The following OLFM2 variants were observed in gnomAD, a reference collection of about 807,000 sequenced individuals.
OLFM2 encodes noelin-2.
OLFM2 carries 20 observed loss-of-function variants against 43.9 expected under a neutral mutation model. The observed-to-expected ratio is 0.46, with a 90% confidence interval of 0.32 to 0.66. The LOEUF is 0.66. Ranked by LOEUF, OLFM2 falls within the 30% of genes least tolerant of loss-of-function variation. OLFM2 has a pLI of 0.04. For synonymous variants in OLFM2, 268 were observed against 278.6 expected, an observed-to-expected ratio of 0.96 and a Z score of 0.38; for missense variants, 416 against 643.6, an observed-to-expected ratio of 0.65 and a Z score of 3.83.
chr19:9,935,620 C>T (rs1479333570), intron 1 of OLFM2, among the ~76,000 whole-genome samples: 1 of 152,118 alleles, frequency 6.6e-6, no homozygotes, highest in Non-Finnish European at 1.5e-5. Context: ...CTCACACGGC[C>T]ACACACCTGG....
chr19:9,877,295 A>G (rs1259821382), intron 1 of OLFM2, among the ~76,000 whole-genome samples: 2 of 150,716 alleles, frequency 1.3e-5, no homozygotes, highest in East Asian at 3.9e-4. Context: ...GCACTTTGGG[A>G]GGCTGAGGCG....
intron 1 of OLFM2, among the ~76,000 whole-genome samples, chr19:9,914,728 C>T (rs2046861337): frequency 1.3e-5 from 2 of 152,104 alleles, no homozygotes; most frequent in African/African-American, 4.8e-5. Flanking sequence ...GCCCACCCGT[C>T]CGCCCACGCA....
intron 1 of OLFM2, among the ~76,000 whole-genome samples, chr19:9,884,751 T>C (rs34497180): frequency 0.014 from 2,197 of 152,290 alleles, 21 homozygotes; most frequent in Middle Eastern, 0.031. Flanking sequence ...TTTTATTCTT[T>C]TCCTTGCATG....
Position 9,860,643 on chromosome 19 carries a change from A to G in OLFM2, c.213+2T>C. 6.3e-7 allele frequency: 1 copy of G among 1,579,454 alleles called. No homozygotes were observed. Among genetic ancestry groups the G allele is most frequent in the Non-Finnish European group, 8.6e-7 (1 of 1,161,844 alleles). On this transcript the variant is annotated splice_donor_variant, in intron 2 of 5. Coordinates refer to ENST00000264833, the MANE Select transcript of OLFM2 (RefSeq NM_058164.4). LOFTEE classifies it high-confidence loss of function. ...CCCCCAGGGTACCTGGAAGGTTCTCACCTTCTCCATCAGTTGCCGCAGCTC... is the reference window on the plus strand; with the variant it reads ...CCCCCAGGGTACCTGGAAGGTTCTCGCCTTCTCCATCAGTTGCCGCAGCTC...
chr19:9,858,309 G>C (rs899456833), intron 2 of OLFM2: 3 of 247,290 alleles, frequency 1.2e-5, no homozygotes, highest in Admixed American at 1.3e-4. Flanking sequence ...CTTTGCACTT[G>C]CTGGTCTCTC....
intron 1 of OLFM2, among the ~76,000 whole-genome samples, chr19:9,894,305 A>AGTCACGGCTGCAGTGAAACCGGGATGGT (rs1178856894): frequency 6.6e-6 from 1 of 151,284 alleles, no homozygotes; most frequent in Non-Finnish European, 1.5e-5. Flanking sequence ...AGCCCAGGTA[A>AGTCACGGCTGCAGTGAAACCGGGATGGT]GTCACGGCTG....
chr19:9,929,323 T>G (rs2086469873), intron 1 of OLFM2, among the ~76,000 whole-genome samples: 1 of 152,152 alleles, frequency 6.6e-6, no homozygotes. Context: ...CCGGGCGCGG[T>G]GGCTCACACC....
At chr19:9,866,172 T>C (rs992434201) in intron 1 of OLFM2, among the ~76,000 whole-genome samples, 1 of 152,220 alleles carries the variant, frequency 6.6e-6, no homozygotes, top group Non-Finnish European at 1.5e-5. Context: ...GCCTGGGTTT[T>C]GGCTGCCAGA....
In OLFM2 at chr19:9,857,441, C is replaced by G. The variant is rs35313681; in HGVS notation, c.402G>C (p.Ser134=). 2 of 1,613,940 alleles carry G rather than the reference C, an allele frequency of 1.2e-6. No homozygotes were observed. The highest frequency in any genetic ancestry group is 1.7e-5 in the Admixed American group (1 of 59,996). ...DRMTELLPLS[S]VLEQYKADTR... is the part of the protein sequence containing the mutation. The stretch of plus-strand genomic sequence containing the variant: ...TGTCTGCCTTGTACTGCTCCAGGAC[C>G]GAGCTCAGGGGCAACAGTTCCGTCA... Residue 134 remains serine (S), a synonymous_variant, in exon 4 of 6, where the codon TCG becomes TCC. Coordinates refer to ENST00000264833, the MANE Select transcript of OLFM2 (RefSeq NM_058164.4). This position sits in a 1 kb window ranked among gnomAD's most constrained non-coding sequence, Gnocchi z 5.7.
intron 1 of OLFM2, among the ~76,000 whole-genome samples, chr19:9,912,920 A>G (rs1490830895): frequency 6.6e-6 from 1 of 151,896 alleles, no homozygotes; most frequent in Non-Finnish European, 1.5e-5. Flanking sequence ...ACAAGGAAAG[A>G]TAGAAATATT....
At chr19:9,870,375 CCAA>C (rs1247362570) in intron 1 of OLFM2, among the ~76,000 whole-genome samples, 1 of 152,136 alleles carries the variant, frequency 6.6e-6, no homozygotes, top group Non-Finnish European at 1.5e-5. Context: ...CAAAGAAAGT[CCAA>C]CGAGGGAGAG....
At chr19:9,934,154 G>A (rs1371825506) in intron 1 of OLFM2, among the ~76,000 whole-genome samples, 1 of 152,188 alleles carries the variant, frequency 6.6e-6, no homozygotes, top group Non-Finnish European at 1.5e-5. Context: ...AGTGGGTAGA[G>A]CATCCTCTCT....
At chr19:9,897,478 A>T (rs2046696624) in intron 1 of OLFM2, among the ~76,000 whole-genome samples, 1 of 152,154 alleles carries the variant, frequency 6.6e-6, no homozygotes, top group Non-Finnish European at 1.5e-5. Flanking sequence ...AGCCTGGACG[A>T]CAGAATGAGA....
intron 1 of OLFM2, among the ~76,000 whole-genome samples, chr19:9,915,496 T>TTTTATTTATTTATTTA (rs60485300): frequency 3.3e-4 from 31 of 94,204 alleles, no homozygotes; most frequent in South Asian, 9.4e-4. Flanking sequence ...AAAGGGACTT[T>TTTTATTTATTTATTTA]TTTATTTATT....
At chr19:9,896,365 C>T (rs2046685135) in intron 1 of OLFM2, among the ~76,000 whole-genome samples, 1 of 152,064 alleles carries the variant, frequency 6.6e-6, no homozygotes, top group Non-Finnish European at 1.5e-5. Flanking sequence ...TCCCAAAGTG[C>T]TGGGATTACA....
chr19:9,918,880 A>C (rs1289065330), intron 1 of OLFM2, among the ~76,000 whole-genome samples: 5 of 152,152 alleles, frequency 3.3e-5, no homozygotes, highest in Non-Finnish European at 7.3e-5. Context: ...TGGAGATGGA[A>C]TGCAAATGGG....
chr19:9,857,793 G>A lies in OLFM2; in HGVS notation c.282C>T (p.Arg94=), dbSNP rs150005775. The A allele has an allele frequency of 1.3e-4, 210 of 1,614,002 alleles. No homozygotes were observed. The highest frequency in any genetic ancestry group is 3.1e-4 in the African/African-American group (23 of 74,902). ...GGCTCCGCATGAGGGTCTCCATGCCGCGTACATACTGGAGGTCGCGATACG... is the reference window on the plus strand; with the variant it reads ...GGCTCCGCATGAGGGTCTCCATGCCACGTACATACTGGAGGTCGCGATACG... ...LRTYRDLQYV[R]GMETLMRSLD... is the part of the protein sequence containing the mutation. The change falls in exon 3 of 6, where the codon CGC becomes CGT. Residue 94 remains arginine (R), a synonymous_variant. Coordinates refer to ENST00000264833, the MANE Select transcript of OLFM2 (RefSeq NM_058164.4). The surrounding 1 kb of genome is among the most constrained non-coding windows in gnomAD (Gnocchi z 5.7).
At chr19:9,919,080 T>C (rs11673542) in intron 1 of OLFM2, among the ~76,000 whole-genome samples, 43,964 of 152,164 alleles carry the variant, frequency 0.29, 7,126 homozygotes, top group Non-Finnish European at 0.37. Context: ...CTCACGCCTG[T>C]AATCCCAGCA....
At chr19:9,862,804 G>A (rs565694006) in intron 1 of OLFM2, among the ~76,000 whole-genome samples, 8 of 152,014 alleles carry the variant, frequency 5.3e-5, no homozygotes, top group Non-Finnish European at 1.0e-4. Flanking sequence ...GTAAAACCCC[G>A]TCTCTACTAA....
Sources: gnomAD v4.1 joint callset for allele counts (sites outside exome capture counted in the v4.1 genomes callset) on GRCh38, gnomAD v4.1.1 for gene constraint, Gnocchi (gnomAD v3.1) non-coding constraint, MANE v1.5 for transcripts, NCBI Gene and HGNC (gene_info 2026-07-23, HGNC 2026-07-21) for gene names.